The following KIAA1217 variants were observed in gnomAD, a reference collection of about 807,000 sequenced individuals.
KIAA1217 encodes KIAA1217.
In KIAA1217, 88 loss-of-function variants were observed where a neutral mutation model predicts 163.9. The observed-to-expected ratio is 0.54, with a 90% CI of 0.45 to 0.64. The LOEUF (loss-of-function observed/expected upper bound fraction) is 0.64. Ranked by LOEUF, KIAA1217 falls within the 30% of genes least tolerant of loss-of-function variation. KIAA1217 has a pLI of 0.00. For synonymous variants in KIAA1217, 903 were observed against 923.1 expected (o/e 0.98, Z 0.39); for missense variants, 2,372 against 2,475.0 (o/e 0.96, Z 0.88).
intron 2 of KIAA1217, among the ~76,000 whole-genome samples, chr10:24,269,696 A>G (rs2076590511): frequency 6.6e-6 from 1 of 152,196 alleles, no homozygotes; most frequent in African/African-American, 2.4e-5. Flanking sequence ...GTTCTGGGAC[A>G]GTGAGTCATT....
At chr10:23,827,376 C>A (rs1396534251) in intron 1 of KIAA1217, among the ~76,000 whole-genome samples, 1 of 152,170 alleles carries the variant, frequency 6.6e-6, no homozygotes, top group Non-Finnish European at 1.5e-5. Flanking sequence ...CCATTGATTT[C>A]TTGCACCTGT....
In KIAA1217 at chr10:24,409,878, A is replaced by C. The variant is rs185504519; in HGVS notation, c.554-23117A>C. 9.1e-3 allele frequency among the ~76,000 whole-genome samples: 1,382 copies of C among 152,216 alleles called. 26 individuals are homozygous for C. The highest frequency in any genetic ancestry group is 0.032 in the African/African-American group (1,326 of 41,534). Reference sequence around the variant, plus strand: ...TCCATTCCTGAGTTACTTCACTTAGAATAATAGTATCCAGTGCCATCCAGG... The same window carrying C: ...TCCATTCCTGAGTTACTTCACTTAGCATAATAGTATCCAGTGCCATCCAGG... On this transcript the variant is annotated intron_variant, in intron 3 of 20. Coordinates refer to ENST00000376454, the MANE Select transcript of KIAA1217 (RefSeq NM_019590.5).
At chr10:23,905,600 A>G (rs1294873539) in intron 1 of KIAA1217, among the ~76,000 whole-genome samples, 1 of 152,134 alleles carries the variant, frequency 6.6e-6, no homozygotes, top group Admixed American at 6.5e-5. Flanking sequence ...GATGCCCCAC[A>G]GGATGCTCTG....
At chr10:24,328,920 T>A (rs1665426181) in intron 2 of KIAA1217, among the ~76,000 whole-genome samples, 1 of 151,888 alleles carries the variant, frequency 6.6e-6, no homozygotes, top group Admixed American at 6.6e-5. Flanking sequence ...CATAACTTTA[T>A]AGGGTTCGCC....
chr10:24,536,324 T>C (rs970358738), intron 16 of KIAA1217, among the ~76,000 whole-genome samples: 3 of 152,208 alleles, frequency 2.0e-5, no homozygotes, highest in African/African-American at 7.2e-5. Context: ...AAGAGTACTT[T>C]TATTGTAAGA....
chr10:24,158,655 A>T, intron 2 of KIAA1217: 1 of 510,886 alleles, frequency 2.0e-6, no homozygotes, highest in East Asian at 5.1e-5. Flanking sequence ...CACTAGCACA[A>T]CCTGAAAGTA....
At chr10:24,250,148 G>A (rs769845124) in intron 2 of KIAA1217, among the ~76,000 whole-genome samples, 3 of 152,166 alleles carry the variant, frequency 2.0e-5, no homozygotes, top group Non-Finnish European at 4.4e-5. Flanking sequence ...GAGATTACTT[G>A]TCAGGAATGT....
chr10:24,259,808 A>C (rs2075549685), intron 2 of KIAA1217, among the ~76,000 whole-genome samples: 1 of 152,110 alleles, frequency 6.6e-6, no homozygotes, highest in Non-Finnish European at 1.5e-5. Context: ...TCTCTACCAC[A>C]TAGAGAAAGG....
chr10:24,513,287 T>A lies in KIAA1217; in HGVS notation c.2030T>A (p.Met677Lys), dbSNP rs745471937. The change falls in exon 10 of 21, where the codon ATG becomes AAG. Residue 677 changes from methionine (M) to lysine (K), a missense_variant. Physicochemically the swap from Met to Lys is moderately conservative, Grantham distance 95. Transcript: ENST00000376454. ...QLQNQELLRA[M>K]MKKAELEISG... ...CAGAACCAGGAGTTGCTGAGGGCAA[T>A]GATGAAGAAGGCCGAGCTGGAAATC... is the stretch of plus-strand genomic sequence containing the variant. The A allele has an allele frequency of 4.9e-5, 79 of 1,613,942 alleles. No homozygotes were observed. The highest frequency in any genetic ancestry group is 6.2e-5 in the Non-Finnish European group (73 of 1,180,014).
intron 9 of KIAA1217, among the ~76,000 whole-genome samples, chr10:24,506,517 G>A (rs985910858): frequency 1.3e-5 from 2 of 152,168 alleles, no homozygotes; most frequent in African/African-American, 4.8e-5. Context: ...TTACAAGAGT[G>A]CTTATAAAAA....
At chr10:24,475,683 C>G (rs2063941233) in intron 6 of KIAA1217, among the ~76,000 whole-genome samples, 1 of 152,172 alleles carries the variant, frequency 6.6e-6, no homozygotes, top group African/African-American at 2.4e-5. Flanking sequence ...TTCTAAGCAT[C>G]AAAGAAAGGG....
intron 2 of KIAA1217, among the ~76,000 whole-genome samples, chr10:24,119,260 C>G (rs747664933): frequency 4.6e-5 from 7 of 152,212 alleles, no homozygotes; most frequent in Non-Finnish European, 8.8e-5. Context: ...AAGCAAAAGT[C>G]TCTTCTGAAA....
At chr10:24,108,908 T>C (rs1349643853) in intron 2 of KIAA1217, among the ~76,000 whole-genome samples, 1 of 152,214 alleles carries the variant, frequency 6.6e-6, no homozygotes, top group African/African-American at 2.4e-5. Flanking sequence ...ATCGGCTCAC[T>C]GCAACCTCCG....
intron 10 of KIAA1217, among the ~76,000 whole-genome samples, chr10:24,514,184 T>A (rs1343202112): frequency 2.0e-5 from 3 of 152,206 alleles, no homozygotes; most frequent in Admixed American, 6.5e-5. Flanking sequence ...GCAATGAAGA[T>A]TTATCATAGA....
intron 1 of KIAA1217, among the ~76,000 whole-genome samples, chr10:23,729,257 A>G (rs1264423472): frequency 6.6e-6 from 1 of 152,228 alleles, no homozygotes; most frequent in Non-Finnish European, 1.5e-5. Flanking sequence ...TGCTATAAAC[A>G]TCTGGGTAGA....
At chr10:24,413,950 C>A (rs1011058516) in intron 3 of KIAA1217, among the ~76,000 whole-genome samples, 6 of 152,196 alleles carry the variant, frequency 3.9e-5, no homozygotes, top group Non-Finnish European at 5.9e-5. Context: ...AAGCTATGAT[C>A]TCTGAGCTTA....
intron 2 of KIAA1217, among the ~76,000 whole-genome samples, chr10:24,172,650 G>A (rs2065686118): frequency 6.6e-6 from 1 of 152,114 alleles, no homozygotes; most frequent in Non-Finnish European, 1.5e-5. Flanking sequence ...GACTATATAG[G>A]TGCTGGCCAT....
intron 8 of KIAA1217, among the ~76,000 whole-genome samples, chr10:24,498,035 C>T (rs939976004): frequency 4.0e-5 from 6 of 151,410 alleles, no homozygotes; most frequent in African/African-American, 9.7e-5. Context: ...TTGTGGAAGA[C>T]GAGTGGAAAT....
chr10:23,845,796 A>T (rs1838997840), intron 1 of KIAA1217, among the ~76,000 whole-genome samples: 1 of 152,106 alleles, frequency 6.6e-6, no homozygotes, highest in African/African-American at 2.4e-5. Flanking sequence ...TTGGACATGA[A>T]ATCTTTGCCC....
Sources: gnomAD v4.1 joint callset for allele counts (sites outside exome capture counted in the v4.1 genomes callset) on GRCh38, gnomAD v4.1.1 for gene constraint, MANE v1.5 for transcripts, NCBI Gene and HGNC (gene_info 2026-07-23, HGNC 2026-07-21) for gene names.